The following FAM135B variants were observed in gnomAD, a reference collection of about 807,000 sequenced individuals.
FAM135B encodes the protein family with sequence similarity 135 member B.
In FAM135B, 43 loss-of-function variants were observed where a neutral mutation model predicts 127.7. The observed-to-expected ratio is 0.34, with a 90% CI of 0.26 to 0.43. The LOEUF is 0.43. Among genes scored for constraint, FAM135B ranks in the 20% least tolerant of loss-of-function variants. The probability of loss-of-function intolerance (pLI) is 1.00; values close to 1 mark genes in which losing one functional copy is unlikely to be tolerated. For synonymous variants in FAM135B, 670 were observed against 665.1 expected (o/e 1.01, Z -0.11); for missense variants, 1,558 against 1,725.6 (o/e 0.90, Z 1.72).
At chr8:138,436,719 C>T (rs1348336199) in intron 1 of FAM135B, 2 of 152,176 alleles carry the variant, frequency 1.3e-5, no homozygotes, top group Admixed American at 1.3e-4. Flanking sequence ...ACAGTGTGAG[C>T]ATAGCAGGAA....
intron 7 of FAM135B, among the ~76,000 whole-genome samples, chr8:138,200,540 A>C (rs1563761997): frequency 6.6e-6 from 1 of 152,204 alleles, no homozygotes; most frequent in Non-Finnish European, 1.5e-5. Flanking sequence ...CGATACTCTT[A>C]TTTTGATTTT....
chr8:138,178,425 A>C, intron 10 of FAM135B, 110 bp downstream of exon 10: 1 of 1,291,550 alleles, frequency 7.7e-7, no homozygotes, highest in Admixed American at 1.9e-5. Context: ...GAGACACGAA[A>C]GCACGAAGAT....
At chr8:138,300,143 G>C (rs1287799941) in intron 3 of FAM135B, among the ~76,000 whole-genome samples, 1 of 152,030 alleles carries the variant, frequency 6.6e-6, no homozygotes, top group Non-Finnish European at 1.5e-5. Flanking sequence ...AAGGGATCCA[G>C]TGTGGGGTGT....
chr8:138,233,916 T>C (rs1338442701), intron 7 of FAM135B, among the ~76,000 whole-genome samples: 1 of 152,048 alleles, frequency 6.6e-6, no homozygotes, highest in Non-Finnish European at 1.5e-5. Context: ...AAATGGCAAA[T>C]GGGCATATGA....
At chr8:138,208,877 T>A (rs911629748) in intron 7 of FAM135B, among the ~76,000 whole-genome samples, 17 of 151,866 alleles carry the variant, frequency 1.1e-4, no homozygotes, top group African/African-American at 1.9e-4. Flanking sequence ...TCAGAACTTT[T>A]AAAAAAAAAT....
intron 1 of FAM135B, among the ~76,000 whole-genome samples, chr8:138,469,374 A>G (rs993636574): frequency 6.6e-5 from 10 of 152,174 alleles, no homozygotes; most frequent in East Asian, 3.9e-4. Flanking sequence ...TTACAAGGCA[A>G]CTAGTGACTA....
In FAM135B at chr8:138,497,229, G is replaced by A. The variant is rs976193528; in HGVS notation, c.-578C>T. 6.6e-6 allele frequency among the ~76,000 whole-genome samples: 1 copy of A among 150,696 alleles called. No individual in the cohort carries two copies. Among genetic ancestry groups the A allele is most frequent in the South Asian group, 2.1e-4 (1 of 4,832 alleles). On this transcript the variant is annotated 5_prime_UTR_variant, in exon 1 of 20. Coordinates refer to ENST00000395297, the MANE Select transcript of FAM135B (RefSeq NM_015912.4). ...CTCCCGCTGGCTCCGCTCCGCAGCC[G>A]CTGCGCACCGCGTGGGTAGACGCTG...
chr8:138,183,465 A>G (rs1007822984), intron 9 of FAM135B, among the ~76,000 whole-genome samples: 1 of 152,148 alleles, frequency 6.6e-6, no homozygotes, highest in Admixed American at 6.5e-5. Flanking sequence ...CACTGCATGT[A>G]TTACAACAGC....
At chr8:138,487,968 C>T (rs1815048938) in intron 1 of FAM135B, among the ~76,000 whole-genome samples, 1 of 151,896 alleles carries the variant, frequency 6.6e-6, no homozygotes, top group Non-Finnish European at 1.5e-5. Flanking sequence ...CGCACCACTG[C>T]ACTCCAGCCT....
chr8:138,454,727 C>T (rs1564015953), intron 1 of FAM135B, among the ~76,000 whole-genome samples: 2 of 152,314 alleles, frequency 1.3e-5, no homozygotes, highest in South Asian at 2.1e-4. Flanking sequence ...TGGCTTCACA[C>T]ACAGAGAGCT....
chr8:138,297,625 G>A (rs1191370310), intron 3 of FAM135B, among the ~76,000 whole-genome samples: 2 of 152,218 alleles, frequency 1.3e-5, no homozygotes, highest in African/African-American at 4.8e-5. Flanking sequence ...GTCTAATCTT[G>A]TCACTGCTGC....
chr8:138,385,390 A>C (rs532821422), intron 1 of FAM135B, among the ~76,000 whole-genome samples: 1 of 152,278 alleles, frequency 6.6e-6, no homozygotes, highest in East Asian at 1.9e-4. Context: ...TCCCCAGGGG[A>C]CAGCACAGGG....
At chr8:138,389,306 T>TA (rs1289406966) in intron 1 of FAM135B, among the ~76,000 whole-genome samples, 5 of 152,234 alleles carry the variant, frequency 3.3e-5, no homozygotes, top group Non-Finnish European at 5.9e-5. Context: ...ATTCTGGGTA[T>TA]GTATACACAA....
chr8:138,248,915 G>A (rs1821497885), intron 6 of FAM135B, among the ~76,000 whole-genome samples: 2 of 152,008 alleles, frequency 1.3e-5, no homozygotes, highest in South Asian at 4.2e-4. Context: ...TGCTAGAAAA[G>A]TTAGGTGACT....
At chr8:138,466,816 C>T (rs79290733) in intron 1 of FAM135B, among the ~76,000 whole-genome samples, 3,655 of 152,224 alleles carry the variant, frequency 0.024, 117 homozygotes, top group East Asian at 0.078. Context: ...TCAACCTCAG[C>T]GGTTAAAAGG....
At chr8:138,475,629 T>G (rs1814384189) in intron 1 of FAM135B, among the ~76,000 whole-genome samples, 1 of 152,212 alleles carries the variant, frequency 6.6e-6, no homozygotes, top group African/African-American at 2.4e-5. Flanking sequence ...ATTTAGTTAC[T>G]CAATATCCGC....
intron 1 of FAM135B, among the ~76,000 whole-genome samples, chr8:138,401,555 G>C (rs1451422549): frequency 6.6e-6 from 1 of 152,190 alleles, no homozygotes; most frequent in East Asian, 1.9e-4. Flanking sequence ...CCCAGGTTAT[G>C]AGCCAAATGC....
intron 7 of FAM135B, among the ~76,000 whole-genome samples, chr8:138,197,889 A>C (rs1816790133): frequency 6.6e-6 from 1 of 152,242 alleles, no homozygotes; most frequent in Admixed American, 6.5e-5. Flanking sequence ...CAGGCAAGAC[A>C]ACACTGAAAT....
chr8:138,300,113 A>T (rs1235375506), intron 3 of FAM135B, among the ~76,000 whole-genome samples: 2 of 152,190 alleles, frequency 1.3e-5, no homozygotes, highest in African/African-American at 2.4e-5. Context: ...GATTACAGGC[A>T]CTATTTTTTA....
Sources: gnomAD v4.1 joint callset for allele counts (sites outside exome capture counted in the v4.1 genomes callset) on GRCh38, gnomAD v4.1.1 for gene constraint, MANE v1.5 for transcripts, NCBI Gene and HGNC (gene_info 2026-07-23, HGNC 2026-07-21) for gene names.